NPAS2: variants seen among roughly 807,000 people sequenced by gnomAD.
NPAS2 encodes the protein neuronal PAS domain-containing protein 2.
NPAS2 carries 23 observed loss-of-function variants against 107.5 expected under a neutral mutation model. That is an observed-to-expected ratio of 0.21 (90% confidence interval 0.15 to 0.30). The LOEUF (loss-of-function observed/expected upper bound fraction) is 0.30. NPAS2 is among the 10% of genes least tolerant of loss of function. The pLI is 1.00. For synonymous variants in NPAS2, 403 were observed against 417.5 expected (o/e 0.97, Z 0.42); for missense variants, 756 against 1,043.3 (o/e 0.72, Z 3.79).
chr2:100,826,013 C>T (rs1434032979), intron 1 of NPAS2, among the ~76,000 whole-genome samples: 1 of 152,220 alleles, frequency 6.6e-6, no homozygotes, highest in Non-Finnish European at 1.5e-5. Context: ...ATGAAGCAAA[C>T]TGAGCTAGTT....
At chr2:100,858,478 AG>A (rs1332457472) in intron 1 of NPAS2, among the ~76,000 whole-genome samples, 1 of 152,138 alleles carries the variant, frequency 6.6e-6, no homozygotes, top group Non-Finnish European at 1.5e-5. Context: ...GTCACACTAA[AG>A]TTTTTGCTGT....
chr2:100,968,997 G>A lies in NPAS2; in HGVS notation c.1055+569G>A, dbSNP rs934204209. Among the ~76,000 whole-genome samples, 5 of 152,064 alleles carry A rather than the reference G, an allele frequency of 3.3e-5. No individual in the cohort carries two copies. Among genetic ancestry groups the A allele is most frequent in the Admixed American group, 6.6e-5 (1 of 15,260 alleles). On this transcript the variant is annotated intron_variant, in intron 11 of 20. Coordinates refer to ENST00000335681, the MANE Select transcript of NPAS2 (RefSeq NM_002518.4). The surrounding 1 kb of genome is among the most constrained non-coding windows in gnomAD (Gnocchi z 5.3). ...GGTGAGCAGGACTTTAAAGAGACGC[G>A]GCATGCCCAGGGTTTCATAGATGCT...
intron 1 of NPAS2, among the ~76,000 whole-genome samples, chr2:100,893,197 G>A (rs920597417): frequency 2.0e-5 from 3 of 152,158 alleles, no homozygotes; most frequent in Non-Finnish European, 4.4e-5. Context: ...TTAACATAAT[G>A]AGGAAAAATC....
At chr2:100,987,350 A>G (rs11123857) in intron 16 of NPAS2, 42,270 of 152,268 alleles carry the variant, frequency 0.28, 6,459 homozygotes, top group African/African-American at 0.36. Flanking sequence ...CTAATATCCC[A>G]TGGCCTTTTA....
chr2:100,950,661 G>A (rs1413792504), intron 7 of NPAS2, among the ~76,000 whole-genome samples: 1 of 152,242 alleles, frequency 6.6e-6, no homozygotes, highest in Non-Finnish European at 1.5e-5. Context: ...GATCCTGCCA[G>A]CATGATTTTC....
intron 1 of NPAS2, among the ~76,000 whole-genome samples, chr2:100,866,919 C>T (rs564742923): frequency 1.6e-4 from 24 of 152,082 alleles, no homozygotes; most frequent in Non-Finnish European, 3.2e-4. Context: ...GTTGTGTGAG[C>T]GGGGAAAACA....
At chr2:100,910,462 G>A (rs1682469712) in intron 2 of NPAS2, among the ~76,000 whole-genome samples, 1 of 151,828 alleles carries the variant, frequency 6.6e-6, no homozygotes, top group Non-Finnish European at 1.5e-5. Flanking sequence ...CATGAGGTGA[G>A]GATGGTATCA....
At chr2:100,883,652 A>C (rs1680516818) in intron 1 of NPAS2, among the ~76,000 whole-genome samples, 1 of 152,076 alleles carries the variant, frequency 6.6e-6, no homozygotes, top group Non-Finnish European at 1.5e-5. Flanking sequence ...TTCCCCATCC[A>C]TGTTTACCTG....
chr2:100,836,272 A>G (rs557403480), intron 1 of NPAS2, among the ~76,000 whole-genome samples: 1 of 152,146 alleles, frequency 6.6e-6, no homozygotes, highest in African/African-American at 2.4e-5. Context: ...CCTCACTTCG[A>G]TGTGTACCAC....
intron 15 of NPAS2, among the ~76,000 whole-genome samples, chr2:100,979,475 A>G (rs1442223834): frequency 1.7e-5 from 2 of 120,192 alleles, no homozygotes; most frequent in Non-Finnish European, 3.3e-5. Flanking sequence ...TATATTTAAT[A>G]ATAACTATAT....
chr2:100,971,065 A>G lies in NPAS2; in HGVS notation c.1131A>G (p.Ser377=). ...CGCCATCCGAGGCCCTCCACTCCTC[A>G]GCACTAAAGGTACGCCCATCCCTGC... ...EDPPSEALHS[S]ALKDKGSSLE... The change falls in exon 12 of 21, where the codon TCA becomes TCG. Residue 377 remains serine, a synonymous_variant. Coordinates refer to ENST00000335681, the MANE Select transcript of NPAS2 (RefSeq NM_002518.4). 1 of 1,614,178 alleles carries G rather than the reference A, an allele frequency of 6.2e-7. No homozygotes were observed. Among genetic ancestry groups the G allele is most frequent in the Non-Finnish European group, 8.5e-7 (1 of 1,180,012 alleles).
Position 100,992,185 on chromosome 2 carries a change from G to A in NPAS2, c.2112-1162G>A, listed in dbSNP as rs186113672. On this transcript the variant is annotated intron_variant, in intron 19 of 20. Coordinates refer to ENST00000335681, the MANE Select transcript of NPAS2 (RefSeq NM_002518.4). Reference sequence around the variant, plus strand: ...TCCCAACACTTTGGGAGGCCAAGGCGGGCGGATCACCTGAGGTCAGAAGTT... The same window carrying A: ...TCCCAACACTTTGGGAGGCCAAGGCAGGCGGATCACCTGAGGTCAGAAGTT... 3.1e-3 allele frequency among the ~76,000 whole-genome samples: 469 copies of A among 152,330 alleles called. 8 individuals are homozygous for A. The highest frequency in any genetic ancestry group is 0.025 in the Admixed American group (387 of 15,298).
At chr2:100,951,175 T>TA (rs1312612754) in intron 7 of NPAS2, among the ~76,000 whole-genome samples, 2 of 152,222 alleles carry the variant, frequency 1.3e-5, no homozygotes, top group Non-Finnish European at 2.9e-5. Flanking sequence ...CCTAGTGTGA[T>TA]ACCAGTGCCA....
chr2:100,944,271 A>C (rs1489995900), intron 5 of NPAS2, among the ~76,000 whole-genome samples: 1 of 152,184 alleles, frequency 6.6e-6, no homozygotes, highest in African/African-American at 2.4e-5. Context: ...ATCTCAAGCC[A>C]AAACTGCCAG....
chr2:100,883,016 A>C (rs941776605), intron 1 of NPAS2, among the ~76,000 whole-genome samples: 1 of 152,152 alleles, frequency 6.6e-6, no homozygotes, highest in African/African-American at 2.4e-5. Flanking sequence ...AACTGACCTA[A>C]CCAGCAGGTA....
chr2:100,877,890 T>C, intron 1 of NPAS2: 1 of 835,842 alleles, frequency 1.2e-6, no homozygotes, highest in Non-Finnish European at 1.4e-6. Context: ...CCTTCTCTTG[T>C]ACAATACCAG....
chr2:100,887,608 C>A (rs1212031604), intron 1 of NPAS2, among the ~76,000 whole-genome samples: 2 of 152,178 alleles, frequency 1.3e-5, no homozygotes, highest in Non-Finnish European at 2.9e-5. Context: ...GACATGAATT[C>A]ATGTGTCTTT....
chr2:100,887,323 T>TGCAGGAAGA (rs1680758495), intron 1 of NPAS2, among the ~76,000 whole-genome samples: 1 of 152,218 alleles, frequency 6.6e-6, no homozygotes, highest in Admixed American at 6.5e-5. Flanking sequence ...CCAGACTGGA[T>TGCAGGAAGA]GCAGGAACAG....
chr2:100,900,886 T>C (rs576612637), intron 1 of NPAS2, among the ~76,000 whole-genome samples: 1 of 151,844 alleles, frequency 6.6e-6, no homozygotes, highest in African/African-American at 2.4e-5. Flanking sequence ...TCTCCTCTTC[T>C]CTTCTCTTCT....
Sources: gnomAD v4.1 joint callset for allele counts (sites outside exome capture counted in the v4.1 genomes callset) on GRCh38, gnomAD v4.1.1 for gene constraint, Gnocchi (gnomAD v3.1) non-coding constraint, MANE v1.5 for transcripts, NCBI Gene and HGNC (gene_info 2026-07-23, HGNC 2026-07-21) for gene names.